Variants in MYPN observed in about 807,000 individuals in gnomAD.
The protein encoded by MYPN is sarcomeric protein myopalladin, 145 kDa (MYOP).
In MYPN, 63 loss-of-function variants were observed where a neutral mutation model predicts 129.4. The observed-to-expected ratio is 0.49, with a 90% CI of 0.40 to 0.60. The LOEUF is 0.60. Ranked by LOEUF, MYPN falls within the 20% of genes least tolerant of loss-of-function variation. MYPN has a pLI of 0.00. For synonymous variants in MYPN, 629 were observed against 600.9 expected (o/e 1.05, Z -0.68); for missense variants, 1,596 against 1,635.4 (o/e 0.98, Z 0.42).
upstream of MYPN, chr10:68,106,435 C>T (rs1305875262): frequency 9.0e-6 from 4 of 443,404 alleles, no homozygotes; most frequent in Non-Finnish European, 1.7e-5. Flanking sequence ...CACCACCCAT[C>T]TATTGTTTTG....
intron 12 of MYPN, among the ~76,000 whole-genome samples, chr10:68,186,707 G>A (rs931988942): frequency 6.6e-6 from 1 of 152,158 alleles, no homozygotes; most frequent in African/African-American, 2.4e-5. Context: ...CATGGTGCAG[G>A]TACTCTTCTA....
At chr10:68,104,302 G>A (rs1183892768), upstream of MYPN, among the ~76,000 whole-genome samples, 1 of 152,100 alleles carries the variant, frequency 6.6e-6, no homozygotes, top group African/African-American at 2.4e-5. Context: ...CTCAGATCCT[G>A]GCATATTGGC....
chr10:68,094,285 A>T (rs2041945080), intron 1 of MYPN, among the ~76,000 whole-genome samples: 1 of 150,230 alleles, frequency 6.7e-6, no homozygotes, highest in Admixed American at 6.6e-5. Flanking sequence ...TTTTTTTGAG[A>T]TGGAGTTTCG....
chr10:68,121,155 G>A (rs1048930944), intron 1 of MYPN, among the ~76,000 whole-genome samples: 2 of 152,170 alleles, frequency 1.3e-5, no homozygotes, highest in Non-Finnish European at 2.9e-5. Context: ...GCACATGCCT[G>A]TAGTCCCAGC....
At chr10:68,132,008 A>G (rs1040917186) in intron 2 of MYPN, among the ~76,000 whole-genome samples, 2 of 152,062 alleles carry the variant, frequency 1.3e-5, no homozygotes, top group African/African-American at 2.4e-5. Context: ...TTCGTATTTC[A>G]TTATTTTTGC....
At chr10:68,093,574 TA>T (rs34247732) in intron 1 of MYPN, among the ~76,000 whole-genome samples, 28,416 of 106,726 alleles carry the variant, frequency 0.27, 4,087 homozygotes, top group East Asian at 0.8. Flanking sequence ...CCATCTCTAC[TA>T]AAAAAAAAAA....
At chr10:68,179,142 C>T (rs1476460884) in intron 12 of MYPN, among the ~76,000 whole-genome samples, 1 of 152,102 alleles carries the variant, frequency 6.6e-6, no homozygotes, top group African/African-American at 2.4e-5. Context: ...TTAAGTCTTT[C>T]CTCTTTCATC....
chr10:68,121,669 T>C lies in MYPN; in HGVS notation c.231T>C (p.Asn77=). 6.2e-7 allele frequency: 1 copy of C among 1,614,180 alleles called. No homozygotes were observed. Among genetic ancestry groups the C allele is most frequent in the East Asian group, 2.2e-5 (1 of 44,878 alleles). The change falls in exon 2 of 20, where the codon AAT becomes AAC. Residue 77 remains asparagine, a synonymous_variant. Coordinates refer to ENST00000358913, the MANE Select transcript of MYPN (RefSeq NM_032578.4). ...AAGAAGAATTAGACGAAAGTGTCAA[T>C]TTGGCAAGACTGGCCATCAATTACG... is the stretch of plus-strand genomic sequence containing the variant. ...LSQEELDESV[N]LARLAINYDP... is the part of the protein sequence containing the mutation.
chr10:68,157,607 G>C (rs1054767120), intron 6 of MYPN, among the ~76,000 whole-genome samples: 1 of 150,322 alleles, frequency 6.7e-6, no homozygotes, highest in African/African-American at 2.5e-5. Flanking sequence ...GCCGAGGTGG[G>C]TGGATCACTT....
intron 1 of MYPN, among the ~76,000 whole-genome samples, chr10:68,111,583 A>G (rs1000750326): frequency 6.6e-6 from 1 of 152,202 alleles, no homozygotes; most frequent in Non-Finnish European, 1.5e-5. Context: ...AACATTACCC[A>G]TTTGCTTAAA....
intron 2 of MYPN, among the ~76,000 whole-genome samples, chr10:68,139,886 C>G (rs1270124998): frequency 2.6e-5 from 4 of 152,166 alleles, no homozygotes; most frequent in Non-Finnish European, 5.9e-5. Flanking sequence ...CAATACGGTC[C>G]TCTCGTGCAC....
intron 7 of MYPN, among the ~76,000 whole-genome samples, chr10:68,159,286 C>T (rs781288110): frequency 6.6e-6 from 1 of 152,144 alleles, no homozygotes. Context: ...GGACACACGT[C>T]GCCCTAGCTA....
chr10:68,181,296 TA>T (rs2043309390), intron 12 of MYPN, among the ~76,000 whole-genome samples: 3 of 152,220 alleles, frequency 2.0e-5, no homozygotes, highest in East Asian at 3.9e-4. Flanking sequence ...CATTTAATTT[TA>T]ATTTTTTTTT....
rs528183754 is a variant in MYPN, at chr10:68,124,817, C to G, written c.902+2477C>G. 3.9e-5 allele frequency among the ~76,000 whole-genome samples: 6 copies of G among 152,256 alleles called. No individual in the cohort carries two copies. In the East Asian group the frequency reaches 1.2e-3, roughly 29 times the overall value. ...CCTAAGATGTAGCAAAGGGTTGGAA[C>G]TGAAAAACACAGGGCGGTGTCTACT... On this transcript the variant is annotated intron_variant, in intron 2 of 19. Coordinates refer to ENST00000358913, the MANE Select transcript of MYPN (RefSeq NM_032578.4).
Position 68,109,573 on chromosome 10 carries a change from C to T in MYPN, c.-152C>T. 1 of 454,108 alleles carries T rather than the reference C, an allele frequency of 2.2e-6. No homozygotes were observed. Among genetic ancestry groups the T allele is most frequent in the Non-Finnish European group, 4.4e-6 (1 of 226,788 alleles). The allele number at this position is 454,108 out of a possible 1,614,324, so 28.1% of individuals were successfully genotyped here. ...CACTGAAACTAAGGTTAACTCCTCA[C>T]TCTCTATGGACGGCTACTCTCTATT... On this transcript the variant is annotated 5_prime_UTR_variant, in exon 1 of 20. Coordinates refer to ENST00000358913, the MANE Select transcript of MYPN (RefSeq NM_032578.4).
intron 1 of MYPN, among the ~76,000 whole-genome samples, chr10:68,119,497 G>A (rs988096094): frequency 7.3e-5 from 11 of 151,640 alleles, no homozygotes; most frequent in African/African-American, 1.5e-4. Context: ...AGCAACCTCC[G>A]CTTCCCAGGT....
chr10:68,131,935 C>T (rs528572070), intron 2 of MYPN, among the ~76,000 whole-genome samples: 8 of 152,228 alleles, frequency 5.3e-5, no homozygotes, highest in East Asian at 1.9e-4. Context: ...ATTCAACAAC[C>T]GCTAAATTTA....
upstream of MYPN, among the ~76,000 whole-genome samples, chr10:68,102,681 C>CA (rs1487865764): frequency 2.6e-5 from 4 of 152,038 alleles, no homozygotes; most frequent in East Asian, 7.7e-4. Flanking sequence ...TGTTCCTTTG[C>CA]AGGTGAACTG....
At chr10:68,192,905 T>A (rs78225195) in intron 13 of MYPN, among the ~76,000 whole-genome samples, 1 of 152,186 alleles carries the variant, frequency 6.6e-6, no homozygotes, top group African/African-American at 2.4e-5. Flanking sequence ...TTCTCTCTTC[T>A]CTCTTTCTTT....
Sources: gnomAD v4.1 joint callset for allele counts (sites outside exome capture counted in the v4.1 genomes callset) on GRCh38, gnomAD v4.1.1 for gene constraint, MANE v1.5 for transcripts, NCBI Gene and HGNC (gene_info 2026-07-23, HGNC 2026-07-21) for gene names.